The following ALG8 variants were observed in gnomAD, a reference collection of about 807,000 sequenced individuals.
ALG8 encodes dolichyl pyrophosphate Glc1Man9GlcNAc2 alpha-1,3-glucosyltransferase.
ALG8 carries 48 observed loss-of-function variants against 70.2 expected under a neutral mutation model. The ratio of observed to expected loss-of-function variants is 0.68; its 90% CI spans 0.54 to 0.87. The LOEUF (loss-of-function observed/expected upper bound fraction) is 0.87, where lower values mean the gene tolerates loss of function less well. Ranked by LOEUF, ALG8 falls within the 40% of genes least tolerant of loss-of-function variation. The pLI, the probability that ALG8 is intolerant of heterozygous loss-of-function variation, is 0.00. For missense variants in ALG8, 572 were observed against 608.7 expected (o/e 0.94, Z 0.64); for synonymous variants, 234 against 229.0 (o/e 1.02, Z -0.20).
intron 3 of ALG8, among the ~76,000 whole-genome samples, chr11:78,121,449 C>A (rs559520309): frequency 2.0e-5 from 3 of 150,760 alleles, no homozygotes; most frequent in South Asian, 2.1e-4. Context: ...CACAGCAAGC[C>A]GAGCAGGGTG....
At chr11:78,121,286 T>C in intron 3 of ALG8, 112 bp from the exon 4 acceptor site, 1 of 757,816 alleles carries the variant, frequency 1.3e-6, no homozygotes, top group Non-Finnish European at 2.2e-6. Flanking sequence ...TACATGCCAT[T>C]CTTTTTTTTT....
intron 1 of ALG8, among the ~76,000 whole-genome samples, chr11:78,135,585 C>T (rs554880178): frequency 6.6e-6 from 1 of 152,054 alleles, no homozygotes; most frequent in Non-Finnish European, 1.5e-5. Context: ...ATGGTGCTCA[C>T]GCCTGTAATC....
intron 8 of ALG8, 170 bp downstream of exon 8, chr11:78,112,480 T>C (rs1860333507): frequency 1.1e-6 from 1 of 896,688 alleles, no homozygotes; most frequent in African/African-American, 1.7e-5. Context: ...TTTACTGCAC[T>C]AAAGCCTCAG....
chr11:78,129,842 TAAG>T (rs1345015309), intron 1 of ALG8, among the ~76,000 whole-genome samples: 2 of 151,432 alleles, frequency 1.3e-5, no homozygotes, highest in Admixed American at 1.3e-4. Flanking sequence ...CAATTATTTT[TAAG>T]AAGTGATTCT....
chr11:78,121,083 C>G lies in ALG8; in HGVS notation c.460G>C (p.Gly154Arg). 6.2e-7 allele frequency: 1 copy of G among 1,613,598 alleles called. No homozygotes were observed. Residue 154 changes from glycine (G) to arginine (R), a missense_variant, in exon 4 of 13, where the codon GGG becomes CGG. Gly to Arg is a moderately radical substitution (Grantham distance 125). Transcript: ENST00000299626. ...ILSVLLLWNFGLLIVDHIHFQ... is the reference protein window; with the variant it reads ...ILSVLLLWNFRLLIVDHIHFQ... ...AGGATACGGTCCACAATTAATAACC[C>G]GAAGTTCCACAGAAGTAATACCGAC...
At chr11:78,113,716 CAAAAACA>C (rs1860413275) in intron 7 of ALG8, among the ~76,000 whole-genome samples, 163 bp downstream of exon 7, 1 of 11,830 alleles carries the variant, frequency 8.5e-5, no homozygotes, top group Non-Finnish European at 1.6e-4. Context: ...CCATCTTAAA[CAAAAACA>C]AAAAAAAAAA....
At chr11:78,119,009 A>C (rs1423509224) in intron 5 of ALG8, among the ~76,000 whole-genome samples, 173 bp downstream of exon 5, 1 of 152,238 alleles carries the variant, frequency 6.6e-6, no homozygotes, top group African/African-American at 2.4e-5. Context: ...AATGAAGAAA[A>C]TTATGGTCAA....
intron 10 of ALG8, among the ~76,000 whole-genome samples, chr11:78,105,157 C>T (rs1433714501): frequency 6.6e-6 from 1 of 152,096 alleles, no homozygotes; most frequent in Non-Finnish European, 1.5e-5. Flanking sequence ...AGACTAAAGA[C>T]ATTAAAAGTT....
Position 78,101,021 on chromosome 11 carries a change from G to A in ALG8, c.1524C>T (p.Phe508=). The change falls in exon 13 of 13, where the codon TTC becomes TTT. Residue 508 remains phenylalanine, a synonymous_variant. Transcript: ENST00000299626. Reference sequence around the variant, plus strand: ...CAATCAATACTGAAACATACAGTTTGAACCAAGCATATGTGATGCCTACTG... The same window carrying A: ...CAATCAATACTGAAACATACAGTTTAAACCAAGCATATGTGATGCCTACTG... ...YCAVGITYAW[F]KLYVSVLIDS... is the part of the protein sequence containing the mutation. The A allele has an allele frequency of 6.2e-7, 1 of 1,614,180 alleles. No homozygotes were observed. The highest frequency in any genetic ancestry group is 1.1e-5 in the South Asian group (1 of 91,076).
intron 5 of ALG8, among the ~76,000 whole-genome samples, chr11:78,118,066 G>A (rs1387127301): frequency 2.4e-4 from 26 of 110,302 alleles, no homozygotes; most frequent in Admixed American, 1.2e-3. Context: ...GCGAGACTCC[G>A]TCTCAAAAAA....
intron 1 of ALG8, among the ~76,000 whole-genome samples, chr11:78,133,726 C>A (rs1197684945): frequency 6.6e-6 from 1 of 151,968 alleles, no homozygotes; most frequent in East Asian, 1.9e-4. Context: ...TGGTGAAACC[C>A]CATCTCTACT....
intron 5 of ALG8, among the ~76,000 whole-genome samples, chr11:78,115,533 C>A (rs1405318969): frequency 6.6e-6 from 1 of 151,588 alleles, no homozygotes; most frequent in Non-Finnish European, 1.5e-5. Flanking sequence ...CAAGTGCCCA[C>A]CACCACGCCT....
chr11:78,126,852 T>C (rs1861100721), intron 2 of ALG8, among the ~76,000 whole-genome samples: 1 of 152,210 alleles, frequency 6.6e-6, no homozygotes, highest in African/African-American at 2.4e-5. Context: ...GTGTGGTAGA[T>C]ATTATACCTC....
At chr11:78,120,079 G>A (rs1226022655) in intron 4 of ALG8, among the ~76,000 whole-genome samples, 2 of 151,946 alleles carry the variant, frequency 1.3e-5, no homozygotes, top group African/African-American at 4.8e-5. Flanking sequence ...TCCAGTCTGG[G>A]TGACAGAGCA....
intron 1 of ALG8, among the ~76,000 whole-genome samples, chr11:78,137,050 C>T (rs1324880537): frequency 1.3e-5 from 2 of 152,068 alleles, no homozygotes; most frequent in Non-Finnish European, 1.5e-5. Flanking sequence ...CACAGGCATG[C>T]TCCACCACGC....
At chr11:78,122,252 G>A in intron 3 of ALG8, among the ~76,000 whole-genome samples, 1 of 152,050 alleles carries the variant, frequency 6.6e-6, no homozygotes, top group Non-Finnish European at 1.5e-5. Flanking sequence ...CATGAATAGA[G>A]GCAGTAAACT....
intron 10 of ALG8, 71 bp downstream of exon 10, chr11:78,106,736 G>C (rs958716703): frequency 4.4e-6 from 7 of 1,596,852 alleles, no homozygotes; most frequent in Non-Finnish European, 6.0e-6. Flanking sequence ...GACAAGAAGG[G>C]ACAGAGCAAA....
intron 1 of ALG8, among the ~76,000 whole-genome samples, chr11:78,136,519 AGAGC>A (rs983573903): frequency 3.2e-4 from 49 of 152,250 alleles, no homozygotes; most frequent in African/African-American, 8.9e-4. Context: ...CCTGGGAGAT[AGAGC>A]GAGACCCTGC....
chr11:78,117,074 C>T, intron 5 of ALG8, among the ~76,000 whole-genome samples: 1 of 152,124 alleles, frequency 6.6e-6, no homozygotes, highest in East Asian at 1.9e-4. Context: ...AAAAGTTTAT[C>T]CAGACATTTA....
Sources: allele counts gnomAD v4.1 joint callset (sites outside exome capture counted in the v4.1 genomes callset), GRCh38; gene constraint gnomAD v4.1.1; transcripts MANE v1.5; gene names NCBI Gene and HGNC (gene_info 2026-07-23, HGNC 2026-07-21).